Variants in KLHL14 observed in about 807,000 individuals in gnomAD.
The protein encoded by KLHL14 is kelch-like protein 14.
In KLHL14, 22 loss-of-function variants were observed where a neutral mutation model predicts 64.3. The observed-to-expected ratio is 0.34, with a 90% CI of 0.24 to 0.49. The LOEUF (loss-of-function observed/expected upper bound fraction) is 0.49. KLHL14 is among the 20% of genes least tolerant of loss of function. The pLI is 0.99. For missense variants in KLHL14, 661 were observed against 789.0 expected (o/e 0.84, Z 1.94); for synonymous variants, 322 against 333.4 (o/e 0.97, Z 0.37).
chr18:32,675,874 A>G (rs2049808952), intron 8 of KLHL14, among the ~76,000 whole-genome samples: 2 of 152,228 alleles, frequency 1.3e-5, no homozygotes, highest in South Asian at 2.1e-4. Flanking sequence ...ATTTGCCTAT[A>G]TAACTAATAA....
At chr18:32,682,819 T>G (rs2049849081) in intron 5 of KLHL14, among the ~76,000 whole-genome samples, 1 of 152,214 alleles carries the variant, frequency 6.6e-6, no homozygotes, top group African/African-American at 2.4e-5. Flanking sequence ...CATCCTAAAG[T>G]AAAACATATT....
chr18:32,719,876 G>A (rs2050067842), intron 3 of KLHL14, among the ~76,000 whole-genome samples: 1 of 152,216 alleles, frequency 6.6e-6, no homozygotes, highest in South Asian at 2.1e-4. Context: ...GTAGCCAGGT[G>A]TAATGGGATG....
chr18:32,694,436 T>C (rs2049927393), intron 4 of KLHL14, among the ~76,000 whole-genome samples: 2 of 152,228 alleles, frequency 1.3e-5, no homozygotes, highest in Admixed American at 6.5e-5. Context: ...TCCTTGCTCC[T>C]GTTCCAAGTT....
chr18:32,687,298 G>GT, intron 4 of KLHL14, 65 bp from the exon 5 acceptor site: 1 of 1,251,934 alleles, frequency 8.0e-7, no homozygotes, highest in Non-Finnish European at 1.2e-6. Context: ...ATGTAGTAGT[G>GT]TTTTATCAGA....
intron 3 of KLHL14, among the ~76,000 whole-genome samples, chr18:32,726,643 A>C (rs1021524440): frequency 6.6e-6 from 1 of 151,724 alleles, no homozygotes; most frequent in African/African-American, 2.4e-5. Context: ...ATAAATAAAT[A>C]AAAATAAAAT....
intron 2 of KLHL14, among the ~76,000 whole-genome samples, chr18:32,750,492 A>C (rs1477472898): frequency 6.6e-6 from 1 of 152,184 alleles, no homozygotes; most frequent in Non-Finnish European, 1.5e-5. Flanking sequence ...ACTGTATATA[A>C]ATAGCCAGAA....
intron 8 of KLHL14, among the ~76,000 whole-genome samples, chr18:32,675,300 ATGCCAC>A (rs1390903961): frequency 6.6e-6 from 1 of 152,232 alleles, no homozygotes; most frequent in East Asian, 1.9e-4. Flanking sequence ...AGCTCTGATC[ATGCCAC>A]TGTACTCCAG....
intron 3 of KLHL14, among the ~76,000 whole-genome samples, chr18:32,707,177 G>A (rs1321684759): frequency 6.6e-6 from 1 of 152,234 alleles, no homozygotes; most frequent in African/African-American, 2.4e-5. Context: ...AACTCATAAA[G>A]ACAGCTCATC....
intron 2 of KLHL14, among the ~76,000 whole-genome samples, chr18:32,747,003 GT>G (rs1179312099): frequency 6.6e-6 from 1 of 152,212 alleles, no homozygotes; most frequent in Non-Finnish European, 1.5e-5. Context: ...ACTTGGTCTA[GT>G]CCCCTACATA....
intron 3 of KLHL14, among the ~76,000 whole-genome samples, chr18:32,736,367 A>G (rs1173269170): frequency 3.3e-5 from 5 of 152,152 alleles, no homozygotes; most frequent in Non-Finnish European, 5.9e-5. Context: ...GTAAAATTAG[A>G]TGCTAACATA....
At chr18:32,767,236 A>C (rs1467500616) in intron 2 of KLHL14, among the ~76,000 whole-genome samples, 1 of 152,186 alleles carries the variant, frequency 6.6e-6, no homozygotes, top group Non-Finnish European at 1.5e-5. Context: ...GGCTGATTTA[A>C]TATTGTTGGT....
chr18:32,724,913 A>G (rs1177784923), intron 3 of KLHL14, among the ~76,000 whole-genome samples: 2 of 152,218 alleles, frequency 1.3e-5, no homozygotes, highest in Non-Finnish European at 2.9e-5. Context: ...AAATAAAACC[A>G]TGTTTGTAAT....
In KLHL14 at chr18:32,683,917, T is replaced by C. The variant is rs568757602; in HGVS notation, c.1238+3238A>G. 6.6e-6 allele frequency among the ~76,000 whole-genome samples: 1 copy of C among 152,212 alleles called. No homozygotes were observed. The highest frequency in any genetic ancestry group is 1.5e-5 in the Non-Finnish European group (1 of 68,030). Reference sequence around the variant, plus strand: ...TGTTTCTTGTAACACAAAATATTACTAGAAAAACAAAATATTTAAAATTTG... The same window carrying C: ...TGTTTCTTGTAACACAAAATATTACCAGAAAAACAAAATATTTAAAATTTG... On this transcript the variant is annotated intron_variant, in intron 5 of 8. Transcript: ENST00000359358. This position sits in a 1 kb window ranked among gnomAD's most constrained non-coding sequence, Gnocchi z 4.2.
intron 3 of KLHL14, among the ~76,000 whole-genome samples, chr18:32,718,478 G>A (rs894573649): frequency 6.6e-6 from 1 of 152,202 alleles, no homozygotes; most frequent in Non-Finnish European, 1.5e-5. Context: ...AGAGCTGGAA[G>A]AGTCAAGGTT....
chr18:32,760,341 C>CAT (rs2050307515), intron 2 of KLHL14, among the ~76,000 whole-genome samples: 2 of 53,736 alleles, frequency 3.7e-5, no homozygotes, highest in East Asian at 3.1e-4. Context: ...CACAGACATA[C>CAT]ACACACACAC....
Position 32,770,047 on chromosome 18 carries a change from G to A in KLHL14, c.545C>T (p.Ser182Leu). ...GCACACCTGCTTGTAGTTCTGCACC[G>A]AGATCTGGTCGTTGAGGAACTGCAC... The part of the protein sequence containing the change: ...LCVQFLNDQI[S>L]VQNYKQVCKI... The change falls in exon 2 of 9, where the codon TCG (serine) becomes TTG (leucine). Residue 182 changes from serine to leucine, a missense_variant. Coordinates refer to ENST00000359358, the MANE Select transcript of KLHL14 (RefSeq NM_020805.3). This position sits in a 1 kb window ranked among gnomAD's most constrained non-coding sequence, Gnocchi z 6.7. 1.2e-6 allele frequency: 2 copies of A among 1,614,122 alleles called. No homozygotes were observed. The highest frequency in any genetic ancestry group is 1.7e-6 in the Non-Finnish European group (2 of 1,180,010).
chr18:32,739,548 AAGTAG>A (rs562610690), intron 3 of KLHL14, among the ~76,000 whole-genome samples: 13 of 152,234 alleles, frequency 8.5e-5, no homozygotes, highest in Admixed American at 2.6e-4. Flanking sequence ...GAACATTGTT[AAGTAG>A]AGTAAACATT....
At chr18:32,720,305 G>T (rs2050071254) in intron 3 of KLHL14, among the ~76,000 whole-genome samples, 1 of 152,170 alleles carries the variant, frequency 6.6e-6, no homozygotes, top group South Asian at 2.1e-4. Context: ...ATGAGGAAAT[G>T]GATGAGAATG....
chr18:32,728,557 G>A (rs1292236911), intron 3 of KLHL14, among the ~76,000 whole-genome samples: 1 of 152,134 alleles, frequency 6.6e-6, no homozygotes, highest in African/African-American at 2.4e-5. Context: ...CCCAGTACCT[G>A]TGAACATGAT....
Sources: allele counts gnomAD v4.1 joint callset (sites outside exome capture counted in the v4.1 genomes callset), GRCh38; gene constraint gnomAD v4.1.1; non-coding constraint Gnocchi (gnomAD v3.1); transcripts MANE v1.5; gene names NCBI Gene and HGNC (gene_info 2026-07-23, HGNC 2026-07-21).